The following SELENBP1 variants were observed in gnomAD, a reference collection of about 807,000 sequenced individuals.
SELENBP1 encodes selenium binding protein 1.
SELENBP1 carries 71 observed loss-of-function variants against 61.0 expected under a neutral mutation model. The ratio of observed to expected loss-of-function variants is 1.16; its 90% CI spans 0.96 to 1.42. The LOEUF is 1.42. Ranked by LOEUF, SELENBP1 falls within the 40% of genes most tolerant of loss-of-function variation. The pLI is 0.00. For synonymous variants in SELENBP1, 270 were observed against 238.9 expected (o/e 1.13, Z -1.20); for missense variants, 561 against 605.0 (o/e 0.93, Z 0.76).
At chr1:151,365,127 C>T in intron 10 of SELENBP1, 62 bp downstream of exon 10, 1 of 1,582,830 alleles carries the variant, frequency 6.3e-7, no homozygotes, top group Non-Finnish European at 8.7e-7. Context: ...CTCAGCTGCT[C>T]CCCCACATAT....
intron 7 of SELENBP1, chr1:151,366,071 A>T: frequency 1.3e-6 from 1 of 750,570 alleles, no homozygotes; most frequent in Non-Finnish European, 2.2e-6. Context: ...ACAGACATTC[A>T]CTAAGTAGTT....
At chr1:151,369,214 TC>T in intron 3 of SELENBP1, 25 bp from the exon 4 acceptor site, 1 of 1,598,296 alleles carries the variant, frequency 6.3e-7, no homozygotes, top group Non-Finnish European at 8.6e-7. Flanking sequence ...GAGGTGGTGC[TC>T]CCCCAGGCCA....
chr1:151,364,783 C>T, intron 11 of SELENBP1, 78 bp from the exon 12 acceptor site: 1 of 1,521,612 alleles, frequency 6.6e-7, no homozygotes, highest in Non-Finnish European at 8.9e-7. Context: ...GGGAAAGCTC[C>T]TGAGGAAGGA....
intron 1 of SELENBP1, chr1:151,370,084 C>G: frequency 8.6e-7 from 1 of 1,162,888 alleles, no homozygotes. Flanking sequence ...CGGGGCCCAA[C>G]CCCAGCCCAC....
chr1:151,365,844 T>G lies in SELENBP1; in HGVS notation c.846A>C (p.Gly282=). Reference sequence around the variant, plus strand: ...TCACCTTCTCCACTGACCATGTACCTCCCTACATTGAGGGGTGGAGGGTGA... The same window carrying G: ...TCACCTTCTCCACTGACCATGTACCGCCCTACATTGAGGGGTGGAGGGTGA... ...STIQRFYKNE[G]GTWSVEKVIQ... The change falls in exon 8 of 12, where the codon GGA becomes GGC. Residue 282 remains glycine, a splice_region_variant and synonymous_variant. Coordinates refer to ENST00000368868, the MANE Select transcript of SELENBP1 (RefSeq NM_003944.4). The G allele has an allele frequency of 6.2e-7, 1 of 1,613,916 alleles. No homozygotes were observed. Among genetic ancestry groups the G allele is most frequent in the Non-Finnish European group, 8.5e-7 (1 of 1,179,880 alleles).
At chr1:151,368,612 C>T (rs917449702) in intron 4 of SELENBP1, among the ~76,000 whole-genome samples, 2 of 152,202 alleles carry the variant, frequency 1.3e-5, no homozygotes, top group African/African-American at 4.8e-5. Context: ...CCAGGCTGGC[C>T]TACACCAGTG....
rs768429385 is a variant in SELENBP1 at position 151,364,536 on chromosome 1, G to A, written c.*7C>T. 1 of 1,613,930 alleles carries A rather than the reference G, an allele frequency of 6.2e-7. No homozygotes were observed. Among genetic ancestry groups the A allele is most frequent in the South Asian group, 1.1e-5 (1 of 91,068 alleles). ...AAAATAGGGAGTGTGGGTGATGAGG[G>A]TGGAGTTCAAATCCAGATGTCAGAG... On this transcript the variant is annotated 3_prime_UTR_variant, in exon 12 of 12. Coordinates refer to ENST00000368868, the MANE Select transcript of SELENBP1 (RefSeq NM_003944.4).
intron 2 of SELENBP1, 76 bp from the exon 3 acceptor site, chr1:151,369,630 G>T: frequency 4.5e-6 from 7 of 1,547,928 alleles, no homozygotes; most frequent in Non-Finnish European, 6.1e-6. Context: ...TGTGCCAGAG[G>T]GTGGGGGCTA....
chr1:151,365,092 G>A (rs763564317), intron 10 of SELENBP1, 48 bp from the exon 11 acceptor site: 11 of 1,587,682 alleles, frequency 6.9e-6, no homozygotes, highest in Non-Finnish European at 9.5e-6. Context: ...CAGATCCTAG[G>A]CACCACCCCA....
chr1:151,369,794 G>A, intron 1 of SELENBP1, 25 bp from the exon 2 acceptor site: 2 of 1,551,800 alleles, frequency 1.3e-6, no homozygotes, highest in East Asian at 4.9e-5. Context: ...GGGCGCATTG[G>A]CTGGGCCACG....
Position 151,366,819 on chromosome 1 carries a change from G to A in SELENBP1, c.567C>T (p.Asp189=), listed in dbSNP as rs756407712. The change falls in exon 6 of 12, where the codon GAC becomes GAT. Residue 189 remains aspartate (D), a synonymous_variant. Transcript: ENST00000368868. ...CATTGTGTCGAGGCTGGTACCAGAA[G>A]TCATAGCCCAACGGTGCAGCACCCC... ...RPGGAAPLGY[D]FWYQPRHNVM... is the part of the protein sequence containing the mutation. The A allele has an allele frequency of 3.7e-6, 6 of 1,614,162 alleles. No individual in the cohort carries two copies. The South Asian group carries it at 4.4e-5, about 12-fold the overall frequency.
At chr1:151,365,907 G>T in intron 7 of SELENBP1, 61 bp from the exon 8 acceptor site, 1 of 1,579,196 alleles carries the variant, frequency 6.3e-7, no homozygotes, top group Non-Finnish European at 8.7e-7. Context: ...CAGAATTGGG[G>T]ACTAGGGGTT....
At position 151,365,552 on chromosome 1, in the gene SELENBP1, A is replaced by G. The variant is rs376094498; in HGVS notation, c.1044+11T>C. On this transcript the variant is annotated intron_variant, in intron 9 of 11. Transcript: ENST00000368868. ...TTCCTTCCCTTCTGCTCCTCCTGCC[A>G]GGGTCTCCACCTGTCCTGTGAGGCG... 98 of 1,613,620 alleles carry G rather than the reference A, an allele frequency of 6.1e-5. No homozygotes were observed. In the East Asian group the frequency reaches 8.2e-4, roughly 14 times the overall value.
intron 1 of SELENBP1, among the ~76,000 whole-genome samples, chr1:151,371,980 G>GCTCGGCATTCTGCCAC (rs943883908): frequency 6.6e-6 from 1 of 151,992 alleles, no homozygotes; most frequent in Non-Finnish European, 1.5e-5. Flanking sequence ...CATTCTGCCA[G>GCTCGGCATTCTGCCAC]CTCGGCATTC....
chr1:151,366,166 C>G, intron 7 of SELENBP1, 109 bp downstream of exon 7: 1 of 1,324,310 alleles, frequency 7.6e-7, no homozygotes, highest in Non-Finnish European at 1.0e-6. Flanking sequence ...GGCATGCAGC[C>G]TCATTTTTTT....
rs1162077576 is a variant in SELENBP1 at position 151,365,756 on chromosome 1, C to A, written c.922+12G>T. On this transcript the variant is annotated intron_variant, in intron 8 of 11. Coordinates refer to ENST00000368868, the MANE Select transcript of SELENBP1 (RefSeq NM_003944.4). ...GGCCAAGAATCAACTTTCCTATGCC[C>A]TAGGCACTCACCTGGCATTTCGGGC... 6.2e-7 allele frequency: 1 copy of A among 1,614,140 alleles called. No individual in the cohort carries two copies. Among genetic ancestry groups the A allele is most frequent in the Non-Finnish European group, 8.5e-7 (1 of 1,180,016 alleles).
intron 6 of SELENBP1, 122 bp downstream of exon 6, chr1:151,366,600 T>A: frequency 7.1e-7 from 1 of 1,400,356 alleles, no homozygotes; most frequent in Non-Finnish European, 9.9e-7. Flanking sequence ...ATGCGGTACA[T>A]CCTATGCCAT....
intron 9 of SELENBP1, 50 bp from the exon 10 acceptor site, chr1:151,365,331 A>T: frequency 6.4e-7 from 1 of 1,563,456 alleles, no homozygotes; most frequent in Non-Finnish European, 8.8e-7. Context: ...GGAGGCGCAA[A>T]CATTGCAGGA....
In SELENBP1 at chr1:151,366,417, T is replaced by A; in HGVS notation, c.701A>T (p.Gln234Leu). 1 of 1,614,008 alleles carries A rather than the reference T, an allele frequency of 6.2e-7. No individual in the cohort carries two copies. Among genetic ancestry groups the A allele is most frequent in the Non-Finnish European group, 8.5e-7 (1 of 1,180,036 alleles). ...CAGGGTCTGCACAATCTCATGGCGCTGCCAGTCCCATACATATAAGTGGCT... is the reference window on the plus strand; with the variant it reads ...CAGGGTCTGCACAATCTCATGGCGCAGCCAGTCCCATACATATAAGTGGCT... ...YGSHLYVWDW[Q>L]RHEIVQTLSL... Residue 234 changes from glutamine (Q) to leucine (L), a missense_variant, in exon 7 of 12, where the codon CAG (glutamine) becomes CTG (leucine). Physicochemically the swap from Gln to Leu is moderately radical, Grantham distance 113. Coordinates refer to ENST00000368868, the MANE Select transcript of SELENBP1 (RefSeq NM_003944.4).
Sources: allele counts gnomAD v4.1 joint callset (sites outside exome capture counted in the v4.1 genomes callset), GRCh38; gene constraint gnomAD v4.1.1; transcripts MANE v1.5; gene names NCBI Gene and HGNC (gene_info 2026-07-23, HGNC 2026-07-21).